LUZP2: variants seen among roughly 807,000 people sequenced by gnomAD.
The protein encoded by LUZP2 is leucine zipper protein 2.
LUZP2 carries 52 observed loss-of-function variants against 51.6 expected under a neutral mutation model. The observed-to-expected ratio is 1.01, with a 90% CI of 0.81 to 1.27. The LOEUF (loss-of-function observed/expected upper bound fraction) is 1.27, where lower values mean the gene tolerates loss of function less well. Ranked by LOEUF, LUZP2 falls within the 50% of genes most tolerant of loss-of-function variation. LUZP2 has a pLI of 0.00. For synonymous variants in LUZP2, 154 were observed against 137.3 expected, an observed-to-expected ratio of 1.12 and a Z score of -0.85; for missense variants, 436 against 395.4, an observed-to-expected ratio of 1.10 and a Z score of -0.87.
chr11:24,665,927 A>T (rs957269440), intron 1 of LUZP2, among the ~76,000 whole-genome samples: 1 of 151,856 alleles, frequency 6.6e-6, no homozygotes, highest in East Asian at 1.9e-4. Context: ...GTTTGTTTCC[A>T]TTTTTTTTAC....
chr11:24,999,622 T>TC (rs34724328), intron 9 of LUZP2, among the ~76,000 whole-genome samples: 58,893 of 151,736 alleles, frequency 0.39, 13,666 homozygotes, highest in East Asian at 0.68. Flanking sequence ...CACCTCGGCC[T>TC]CCAAAGTGCT....
At chr11:25,014,337 A>C (rs1241439286) in intron 9 of LUZP2, among the ~76,000 whole-genome samples, 7 of 152,176 alleles carry the variant, frequency 4.6e-5, no homozygotes, top group African/African-American at 1.7e-4. Context: ...TGTCTTCCAC[A>C]ATGGCTGAAC....
At chr11:24,878,073 G>T (rs571165474) in intron 5 of LUZP2, among the ~76,000 whole-genome samples, 1 of 145,774 alleles carries the variant, frequency 6.9e-6, no homozygotes, top group South Asian at 2.2e-4. Flanking sequence ...ACTTACACAT[G>T]ATAGTTACGG....
At chr11:24,836,020 G>A (rs1850850851) in intron 5 of LUZP2, among the ~76,000 whole-genome samples, 1 of 151,946 alleles carries the variant, frequency 6.6e-6, no homozygotes, top group Non-Finnish European at 1.5e-5. Context: ...ATGCCATATG[G>A]TACCCAGTAT....
At chr11:24,521,240 G>T (rs917512717) in intron 1 of LUZP2, among the ~76,000 whole-genome samples, 1 of 151,104 alleles carries the variant, frequency 6.6e-6, no homozygotes, top group African/African-American at 2.4e-5. Flanking sequence ...AATCCCAGCT[G>T]CTCAGGAGAC....
At chr11:25,045,000 A>G (rs1858251065) in intron 9 of LUZP2, among the ~76,000 whole-genome samples, 1 of 135,488 alleles carries the variant, frequency 7.4e-6, no homozygotes, top group Admixed American at 8.4e-5. Context: ...ATAGGTGGGA[A>G]TTGAACAATG....
At chr11:24,878,967 T>TTTTATTTA (rs35632267) in intron 5 of LUZP2, among the ~76,000 whole-genome samples, 8 of 149,718 alleles carry the variant, frequency 5.3e-5, no homozygotes, top group African/African-American at 9.8e-5. Context: ...TTATTTATAT[T>TTTTATTTA]TTTATTTATT....
chr11:24,609,781 A>G (rs778713394), intron 1 of LUZP2, among the ~76,000 whole-genome samples: 27 of 151,666 alleles, frequency 1.8e-4, no homozygotes, highest in Non-Finnish European at 3.2e-4. Flanking sequence ...TAATTTGAGC[A>G]GCAAGTTAAA....
intron 10 of LUZP2, among the ~76,000 whole-genome samples, chr11:25,050,790 C>T (rs888788291): frequency 2.0e-5 from 3 of 152,122 alleles, no homozygotes; most frequent in African/African-American, 7.2e-5. Context: ...CAACAAAAAA[C>T]CTTATAGGAT....
chr11:24,786,259 G>T, intron 5 of LUZP2: 7 of 968,430 alleles, frequency 7.2e-6, no homozygotes, highest in Non-Finnish European at 8.6e-6. Flanking sequence ...ATGCATGTTT[G>T]ATATAAAAAT....
chr11:24,977,858 A>T (rs1162120449), intron 8 of LUZP2, among the ~76,000 whole-genome samples: 1 of 150,522 alleles, frequency 6.6e-6, no homozygotes, highest in Non-Finnish European at 1.5e-5. Flanking sequence ...GATATTTATT[A>T]TGTTTCTCTC....
At chr11:24,981,364 C>T (rs1361332617) in intron 8 of LUZP2, among the ~76,000 whole-genome samples, 1 of 151,762 alleles carries the variant, frequency 6.6e-6, no homozygotes. Context: ...TGTCTTTTAG[C>T]ATGCTAATGC....
chr11:24,871,732 A>T (rs1168695344), intron 5 of LUZP2, among the ~76,000 whole-genome samples: 2 of 148,826 alleles, frequency 1.3e-5, no homozygotes, highest in African/African-American at 5.0e-5. Flanking sequence ...AAACTACAGT[A>T]AAAAAAAAAT....
chr11:24,607,064 TA>T (rs1437843902), intron 1 of LUZP2, among the ~76,000 whole-genome samples: 2 of 152,050 alleles, frequency 1.3e-5, no homozygotes, highest in Admixed American at 6.6e-5. Context: ...TCAGTTAAAT[TA>T]TTTTTTTGTA....
At chr11:24,982,138 G>A (rs1028483270) in intron 8 of LUZP2, among the ~76,000 whole-genome samples, 20 of 151,860 alleles carry the variant, frequency 1.3e-4, no homozygotes, top group Non-Finnish European at 2.5e-4. Flanking sequence ...GCAGAGAAAA[G>A]GGAAGACTTA....
chr11:25,065,772 A>G (rs1442923521), intron 10 of LUZP2, among the ~76,000 whole-genome samples: 1 of 152,074 alleles, frequency 6.6e-6, no homozygotes, highest in East Asian at 1.9e-4. Flanking sequence ...GTGTTTGTGT[A>G]TGTATTTAAC....
At chr11:25,050,288 G>GGTCT (rs1858454450) in intron 10 of LUZP2, among the ~76,000 whole-genome samples, 158 bp downstream of exon 10, 1 of 66,424 alleles carries the variant, frequency 1.5e-5, no homozygotes, top group Non-Finnish European at 3.3e-5. Flanking sequence ...TGTTCTTTAT[G>GGTCT]TTCTTTTTTT....
intron 5 of LUZP2, among the ~76,000 whole-genome samples, chr11:24,772,163 CAGA>C (rs1372679651): frequency 1.3e-5 from 2 of 152,040 alleles, no homozygotes; most frequent in Non-Finnish European, 2.9e-5. Context: ...CCTAGATTCT[CAGA>C]AGAAGTCCTT....
At chr11:24,691,877 T>C (rs1177878828) in intron 1 of LUZP2, among the ~76,000 whole-genome samples, 5 of 152,020 alleles carry the variant, frequency 3.3e-5, no homozygotes, top group Non-Finnish European at 7.4e-5. Context: ...GGGGTCATGA[T>C]TCATAAGGCC....
Sources: gnomAD v4.1 joint callset for allele counts (sites outside exome capture counted in the v4.1 genomes callset) on GRCh38, gnomAD v4.1.1 for gene constraint, MANE v1.5 for transcripts, NCBI Gene and HGNC (gene_info 2026-07-23, HGNC 2026-07-21) for gene names.